Variants in ZNF600 observed in about 807,000 individuals in gnomAD.
The protein encoded by ZNF600 is zinc finger protein 600, also known as zinc finger protein KR-ZNF1.
In ZNF600, 4 loss-of-function variants were observed where a neutral mutation model predicts 7.3. The ratio of observed to expected loss-of-function variants is 0.55; its 90% CI spans 0.27 to 1.25. The LOEUF (loss-of-function observed/expected upper bound fraction) is 1.25. Among genes scored for constraint, ZNF600 ranks in the 50% most tolerant of loss-of-function variants. The probability of loss-of-function intolerance (pLI) is 0.12; values close to 1 mark genes in which losing one functional copy is unlikely to be tolerated. For synonymous variants in ZNF600, 290 were observed against 308.9 expected, an observed-to-expected ratio of 0.94 and a Z score of 0.64; for missense variants, 911 against 922.1, an observed-to-expected ratio of 0.99 and a Z score of 0.16.
chr19:52,801,046 C>G, the ZNF600 span: 1 of 1,614,166 alleles, frequency 6.2e-7, no homozygotes, highest in South Asian at 1.1e-5. Context: ...GGTTTCTCAT[C>G]AATGTGAGAT....
At chr19:52,800,541 C>T in the ZNF600 span, 1 of 1,613,380 alleles carries the variant, frequency 6.2e-7, no homozygotes, top group South Asian at 1.1e-5. Context: ...AGGCTTCTCT[C>T]CAGTGTGAAT....
the ZNF600 span, chr19:52,800,262 C>A: frequency 3.1e-6 from 5 of 1,613,474 alleles, no homozygotes; most frequent in Non-Finnish European, 4.2e-6. Context: ...AACCTTGCCA[C>A]ATTCATTACA....
chr19:52,769,203 C>G (rs371433801), intron 3 of ZNF600, among the ~76,000 whole-genome samples: 8 of 152,046 alleles, frequency 5.3e-5, no homozygotes, highest in Admixed American at 1.3e-4. Context: ...AGAACACTCT[C>G]CTCCACCACC....
upstream of ZNF600, among the ~76,000 whole-genome samples, chr19:52,787,190 G>A (rs2062771812): frequency 6.6e-6 from 1 of 152,176 alleles, no homozygotes; most frequent in Non-Finnish European, 1.5e-5. Flanking sequence ...TGGGATGCGG[G>A]ACGGAGAGCT....
the ZNF600 span, among the ~76,000 whole-genome samples, chr19:52,814,589 C>T: frequency 7.3e-6 from 1 of 137,314 alleles, no homozygotes; most frequent in East Asian, 2.1e-4. Context: ...GACTTTGTCT[C>T]AAAAAGAAAA....
the ZNF600 span, among the ~76,000 whole-genome samples, chr19:52,811,000 C>T: frequency 1.4e-5 from 2 of 145,718 alleles, no homozygotes; most frequent in East Asian, 2.1e-4. Flanking sequence ...CCTGATTCTC[C>T]TGCCTCAGCC....
At chr19:52,786,624 G>A (rs943343993) in exon 1 of ZNF600, 3 of 192,198 alleles carry the variant, frequency 1.6e-5, no homozygotes, top group African/African-American at 6.9e-5. Flanking sequence ...CTGGGTGAAG[G>A]GAAGACAGGC....
upstream of ZNF600, among the ~76,000 whole-genome samples, chr19:52,791,478 A>C (rs758034621): frequency 3.3e-5 from 5 of 152,200 alleles, no homozygotes; most frequent in African/African-American, 9.6e-5. Context: ...GATTAATCCA[A>C]AGAGGAATAT....
At chr19:52,825,609 G>A in the ZNF600 span, among the ~76,000 whole-genome samples, 41 of 152,200 alleles carry the variant, frequency 2.7e-4, 1 homozygote, top group South Asian at 7.1e-3. Flanking sequence ...TGAAGCAGAG[G>A]TTGCAATGTG....
intron 2 of ZNF600, among the ~76,000 whole-genome samples, chr19:52,775,369 G>A (rs1045684979): frequency 7.2e-5 from 11 of 152,166 alleles, no homozygotes; most frequent in African/African-American, 2.7e-4. Context: ...GGTCAACATG[G>A]CAAAACCATG....
chr19:52,801,611 TGC>T, the ZNF600 span: 2 of 1,614,162 alleles, frequency 1.2e-6, no homozygotes, highest in Non-Finnish European at 1.7e-6. Flanking sequence ...TGTGATGACT[TGC>T]TTGTCTTTGC....
At chr19:52,764,523 T>TA (rs2062553622), downstream of ZNF600, 1 of 150,718 alleles carries the variant, frequency 6.6e-6, no homozygotes. Context: ...ATATCCTTTT[T>TA]TTTTTTTTTT....
chr19:52,802,090 A>G, the ZNF600 span, among the ~76,000 whole-genome samples: 1 of 152,252 alleles, frequency 6.6e-6, no homozygotes, highest in Non-Finnish European at 1.5e-5. Context: ...AATAAATGCT[A>G]AAGAACCACA....
chr19:52,817,229 G>A, the ZNF600 span, among the ~76,000 whole-genome samples: 2 of 152,136 alleles, frequency 1.3e-5, no homozygotes, highest in South Asian at 4.1e-4. Context: ...AAAATTAGCT[G>A]AGCATGGTGG....
At chr19:52,820,189 C>T in the ZNF600 span, among the ~76,000 whole-genome samples, 1 of 112,470 alleles carries the variant, frequency 8.9e-6, no homozygotes, top group Non-Finnish European at 1.8e-5. Flanking sequence ...GCAATCTCGG[C>T]TCACTGCAAG....
chr19:52,786,433 A>C (rs1447472133), intron 1 of ZNF600, among the ~76,000 whole-genome samples, 162 bp downstream of exon 1: 1 of 152,210 alleles, frequency 6.6e-6, no homozygotes, highest in Non-Finnish European at 1.5e-5. Flanking sequence ...CTCGCGGGTG[A>C]GGACTTTAAA....
At chr19:52,780,168 T>C (rs994260337) in intron 1 of ZNF600, among the ~76,000 whole-genome samples, 1 of 152,224 alleles carries the variant, frequency 6.6e-6, no homozygotes, top group Non-Finnish European at 1.5e-5. Context: ...TATTGATTGA[T>C]GTCTCATGTC....
the ZNF600 span, among the ~76,000 whole-genome samples, chr19:52,825,228 T>C: frequency 6.6e-6 from 1 of 152,126 alleles, no homozygotes; most frequent in Non-Finnish European, 1.5e-5. Context: ...AGGCAGCCAG[T>C]GTGGCATTCT....
chr19:52,801,137 G>A, the ZNF600 span: 2 of 1,613,968 alleles, frequency 1.2e-6, no homozygotes, highest in South Asian at 1.1e-5. Flanking sequence ...CTTCTAAGTG[G>A]GTTATCTGAT....
Sources: allele counts gnomAD v4.1 joint callset (sites outside exome capture counted in the v4.1 genomes callset), GRCh38; gene constraint gnomAD v4.1.1; transcripts MANE v1.5; gene names NCBI Gene and HGNC (gene_info 2026-07-23, HGNC 2026-07-21).